Variants in NUDCD1 observed in about 807,000 individuals in gnomAD.
NUDCD1 encodes nudC domain-containing protein 1.
In NUDCD1, 60 loss-of-function variants were observed where a neutral mutation model predicts 67.8. The ratio of observed to expected loss-of-function variants is 0.88; its 90% CI spans 0.72 to 1.10. The LOEUF (loss-of-function observed/expected upper bound fraction) is 1.10, where lower values mean the gene tolerates loss of function less well. Ranked by LOEUF, NUDCD1 falls within the 50% of genes least tolerant of loss-of-function variation. The pLI is 0.00. For missense variants in NUDCD1, 643 were observed against 695.0 expected, an observed-to-expected ratio of 0.93 and a Z score of 0.84; for synonymous variants, 244 against 230.8, an observed-to-expected ratio of 1.06 and a Z score of -0.52.
intron 8 of NUDCD1, among the ~76,000 whole-genome samples, chr8:109,266,392 ATT>A (rs71305931): frequency 0.36 from 31,603 of 87,048 alleles, 4,493 homozygotes; most frequent in South Asian, 0.45. Flanking sequence ...TGCCCGGCTA[ATT>A]TTTTTTTTTT....
At position 109,289,945 on chromosome 8, in the gene NUDCD1, G is replaced by A. The variant is rs760326320; in HGVS notation, c.641-12C>T. The A allele has an allele frequency of 7.7e-7, 1 of 1,292,932 alleles. No individual in the cohort carries two copies. Among genetic ancestry groups the A allele is most frequent in the Non-Finnish European group, 1.1e-6 (1 of 945,548 alleles). 80.1% of individuals were successfully genotyped at this position (1,292,932 alleles called of 1,614,324 possible). A position where few individuals can be genotyped will look rare whatever the true frequency, so the allele number is the denominator to read the frequency against. ...ATATTTTTTATTATCTGTAAGAAAA[G>A]TATTTCAGAACAAAACATTACAAAT... is the stretch of plus-strand genomic sequence containing the variant. On this transcript the variant is annotated splice_polypyrimidine_tract_variant and intron_variant, in intron 4 of 9. Coordinates refer to ENST00000239690, the MANE Select transcript of NUDCD1 (RefSeq NM_032869.4).
At chr8:109,263,075 A>AAAAAAAAAAAAAC (rs1281719219) in intron 8 of NUDCD1, among the ~76,000 whole-genome samples, 2 of 150,102 alleles carry the variant, frequency 1.3e-5, no homozygotes, top group East Asian at 1.9e-4. Flanking sequence ...AAAAAAAAAA[A>AAAAAAAAAAAAAC]AAAACCCTGA....
At chr8:109,314,032 A>T (rs1041846503) in intron 2 of NUDCD1, 3 of 343,510 alleles carry the variant, frequency 8.7e-6, no homozygotes, top group African/African-American at 6.5e-5. Flanking sequence ...TTTAATTTTA[A>T]ATGGACTATA....
intron 3 of NUDCD1, 34 bp downstream of exon 3, chr8:109,296,350 C>A: frequency 6.4e-7 from 1 of 1,556,336 alleles, no homozygotes; most frequent in Non-Finnish European, 8.8e-7. Flanking sequence ...CATATACTTT[C>A]TGGACTTCGC....
intron 8 of NUDCD1, among the ~76,000 whole-genome samples, chr8:109,260,992 G>A (rs1184375135): frequency 6.6e-6 from 1 of 152,186 alleles, no homozygotes; most frequent in Non-Finnish European, 1.5e-5. Context: ...ATTAAAAGTG[G>A]TGACAGGTAA....
At chr8:109,308,056 C>T (rs991363124) in intron 2 of NUDCD1, among the ~76,000 whole-genome samples, 1 of 152,168 alleles carries the variant, frequency 6.6e-6, no homozygotes, top group African/African-American at 2.4e-5. Flanking sequence ...AACAGCCCTA[C>T]ACAGGTCATC....
intron 2 of NUDCD1, among the ~76,000 whole-genome samples, chr8:109,298,098 A>G (rs1343726150): frequency 6.6e-6 from 1 of 152,120 alleles, no homozygotes; most frequent in African/African-American, 2.4e-5. Flanking sequence ...ACTGCTTTAT[A>G]TAATATTAAA....
At chr8:109,261,134 G>C (rs1813855791) in intron 8 of NUDCD1, among the ~76,000 whole-genome samples, 1 of 152,080 alleles carries the variant, frequency 6.6e-6, no homozygotes, top group Non-Finnish European at 1.5e-5. Context: ...ATATTCATTA[G>C]ATAACTGATT....
chr8:109,330,975 CAAA>C (rs1815791627), intron 1 of NUDCD1, among the ~76,000 whole-genome samples: 1 of 152,016 alleles, frequency 6.6e-6, no homozygotes, highest in Non-Finnish European at 1.5e-5. Flanking sequence ...ACGGGTGCAG[CAAA>C]CCACCATGGC....
chr8:109,266,157 C>T (rs113518101), intron 8 of NUDCD1, among the ~76,000 whole-genome samples: 1 of 150,812 alleles, frequency 6.6e-6, no homozygotes, highest in Admixed American at 6.6e-5. Context: ...ACTTTAATAA[C>T]ATTTTATTAA....
intron 8 of NUDCD1, among the ~76,000 whole-genome samples, chr8:109,257,295 T>C (rs954984588): frequency 2.0e-5 from 3 of 152,116 alleles, no homozygotes; most frequent in Non-Finnish European, 2.9e-5. Flanking sequence ...TTATCGAAGT[T>C]ACAATATAAA....
chr8:109,274,641 C>T (rs1478548348), intron 7 of NUDCD1, among the ~76,000 whole-genome samples: 1 of 152,124 alleles, frequency 6.6e-6, no homozygotes, highest in African/African-American at 2.4e-5. Flanking sequence ...TTTCAATATT[C>T]CAGTCCTTCT....
chr8:109,274,590 T>C (rs193066124), intron 7 of NUDCD1, among the ~76,000 whole-genome samples: 26 of 152,296 alleles, frequency 1.7e-4, no homozygotes, highest in African/African-American at 5.8e-4. Flanking sequence ...GAAACTTAGT[T>C]TCTCTATTTA....
At chr8:109,244,392 A>G (rs1021529014) in intron 9 of NUDCD1, among the ~76,000 whole-genome samples, 1 of 152,130 alleles carries the variant, frequency 6.6e-6, no homozygotes, top group African/African-American at 2.4e-5. Context: ...TCTAAAGATG[A>G]TATGATAGAG....
At chr8:109,263,603 G>GT (rs1813921119) in intron 8 of NUDCD1, among the ~76,000 whole-genome samples, 1 of 152,142 alleles carries the variant, frequency 6.6e-6, no homozygotes, top group African/African-American at 2.4e-5. Context: ...AGTTCTTGAC[G>GT]TAACTATTAT....
chr8:109,307,207 C>T (rs1354986196), intron 2 of NUDCD1, among the ~76,000 whole-genome samples: 1 of 152,194 alleles, frequency 6.6e-6, no homozygotes, highest in Non-Finnish European at 1.5e-5. Context: ...GATATATTCT[C>T]CCCTGCCCTT....
intron 1 of NUDCD1, among the ~76,000 whole-genome samples, chr8:109,325,609 C>G (rs184929885): frequency 3.9e-5 from 6 of 152,314 alleles, no homozygotes; most frequent in Admixed American, 3.9e-4. Flanking sequence ...GAAGGCCACA[C>G]TGTTCAAAGA....
chr8:109,330,799 ACAC>A (rs374414976), intron 1 of NUDCD1, among the ~76,000 whole-genome samples: 4 of 152,188 alleles, frequency 2.6e-5, no homozygotes, highest in South Asian at 4.1e-4. Context: ...AGAACACAAA[ACAC>A]CACATGTTCT....
At chr8:109,298,155 T>C (rs958961607) in intron 2 of NUDCD1, among the ~76,000 whole-genome samples, 2 of 152,164 alleles carry the variant, frequency 1.3e-5, no homozygotes, top group African/African-American at 4.8e-5. Flanking sequence ...ATTAAGTTTG[T>C]AGAATGATCA....
Sources: allele counts gnomAD v4.1 joint callset (sites outside exome capture counted in the v4.1 genomes callset), GRCh38; gene constraint gnomAD v4.1.1; transcripts MANE v1.5; gene names NCBI Gene and HGNC (gene_info 2026-07-23, HGNC 2026-07-21).